ZFPM2: variants seen among roughly 807,000 people sequenced by gnomAD.
ZFPM2 encodes the protein zinc finger protein ZFPM2.
Under a neutral mutation model 98.6 loss-of-function variants are expected in ZFPM2, and 20 were observed. The ratio of observed to expected loss-of-function variants is 0.20; its 90% CI spans 0.14 to 0.29. The LOEUF is 0.29. ZFPM2 is among the 10% of genes least tolerant of loss of function. ZFPM2 has a pLI of 1.00. For synonymous variants in ZFPM2, 518 were observed against 502.7 expected (o/e 1.03, Z -0.41); for missense variants, 1,310 against 1,388.6 (o/e 0.94, Z 0.90).
At chr8:105,670,444 C>T (rs940870369) in intron 5 of ZFPM2, among the ~76,000 whole-genome samples, 1 of 134,008 alleles carries the variant, frequency 7.5e-6, no homozygotes, top group Non-Finnish European at 1.5e-5. Context: ...TGCAGTGAGC[C>T]GAGATCGTGC....
At chr8:105,514,307 CTTTTTTTTTTTTTT>C (rs56955237) in intron 3 of ZFPM2, among the ~76,000 whole-genome samples, 48,077 of 127,792 alleles carry the variant, frequency 0.38, 9,921 homozygotes, top group Non-Finnish European at 0.48. Flanking sequence ...CTGGTCGTGT[CTTTTTTTTTTTTTT>C]TTTTTTTTTT....
intron 1 of ZFPM2, among the ~76,000 whole-genome samples, chr8:105,398,565 G>A (rs566897380): frequency 6.6e-6 from 1 of 152,004 alleles, no homozygotes; most frequent in Non-Finnish European, 1.5e-5. Context: ...AGGATAAAAC[G>A]GGTCTGCCTC....
At chr8:105,715,066 C>G (rs139375901) in intron 5 of ZFPM2, among the ~76,000 whole-genome samples, 11 of 152,074 alleles carry the variant, frequency 7.2e-5, no homozygotes, top group Non-Finnish European at 1.5e-4. Context: ...TGTAACTATA[C>G]TTGTTTCTCA....
intron 6 of ZFPM2, chr8:105,798,405 G>A (rs371657172): frequency 2.6e-4 from 47 of 183,844 alleles, no homozygotes; most frequent in African/African-American, 7.8e-4. Flanking sequence ...AGTTGAGATC[G>A]CACCACTGCA....
At chr8:105,625,803 G>A (rs1586159084) in intron 4 of ZFPM2, among the ~76,000 whole-genome samples, 1 of 151,760 alleles carries the variant, frequency 6.6e-6, no homozygotes, top group South Asian at 2.1e-4. Flanking sequence ...GGCTGGTCTC[G>A]AACTCCTGAC....
At position 105,515,873 on chromosome 8, in the gene ZFPM2, C is replaced by G. The variant is rs146342093; in HGVS notation, c.302-45490C>G. On this transcript the variant is annotated intron_variant, in intron 3 of 7. Transcript: ENST00000407775. The stretch of plus-strand genomic sequence containing the variant: ...TCTGGCTTGAATTGCATGTCCACTT[C>G]TTGAACCAGTCATTGTGCAAGAAAG... 3.2e-3 allele frequency among the ~76,000 whole-genome samples: 464 copies of G among 145,702 alleles called. 8 individuals carry two copies. Among genetic ancestry groups the G allele is most frequent in the Non-Finnish European group, 9.9e-4 (66 of 66,766 alleles).
At chr8:105,638,851 C>T (rs993678197) in intron 5 of ZFPM2, among the ~76,000 whole-genome samples, 1 of 151,842 alleles carries the variant, frequency 6.6e-6, no homozygotes, top group African/African-American at 2.4e-5. Context: ...GACAGGTTGC[C>T]ATCATCTTGT....
At chr8:105,796,473 G>A (rs149739011) in intron 6 of ZFPM2, among the ~76,000 whole-genome samples, 44 of 152,254 alleles carry the variant, frequency 2.9e-4, no homozygotes, top group African/African-American at 1.1e-3. Flanking sequence ...AATTAACTTG[G>A]AAGGGAAGGG....
chr8:105,426,969 T>C (rs1811926292), intron 2 of ZFPM2, among the ~76,000 whole-genome samples: 1 of 151,898 alleles, frequency 6.6e-6, no homozygotes, highest in African/African-American at 2.4e-5. Flanking sequence ...AACAAAAAAA[T>C]AGTGTCCTAT....
At chr8:105,508,637 C>T (rs543589761) in intron 3 of ZFPM2, among the ~76,000 whole-genome samples, 23 of 152,134 alleles carry the variant, frequency 1.5e-4, no homozygotes, top group Middle Eastern at 6.8e-3. Flanking sequence ...GCCTCCTTCA[C>T]TGCCAGAGAC....
chr8:105,763,570 TG>T (rs1448499404), intron 5 of ZFPM2, among the ~76,000 whole-genome samples: 1 of 151,878 alleles, frequency 6.6e-6, no homozygotes, highest in Admixed American at 6.6e-5. Flanking sequence ...TTCAACCTTG[TG>T]CTATGTCCTT....
intron 4 of ZFPM2, among the ~76,000 whole-genome samples, chr8:105,624,068 G>C (rs1816606430): frequency 6.6e-6 from 1 of 152,110 alleles, no homozygotes; most frequent in Non-Finnish European, 1.5e-5. Context: ...TTATGAAACT[G>C]TAGTACATAT....
chr8:105,664,943 A>C (rs920494918), intron 5 of ZFPM2, among the ~76,000 whole-genome samples: 1 of 152,220 alleles, frequency 6.6e-6, no homozygotes, highest in Admixed American at 6.5e-5. Context: ...TATTAGGATA[A>C]TTAAGGGCAA....
intron 5 of ZFPM2, among the ~76,000 whole-genome samples, chr8:105,738,814 A>G (rs1750299099): frequency 6.6e-6 from 1 of 152,000 alleles, no homozygotes; most frequent in East Asian, 1.9e-4. Flanking sequence ...CTAAATTTAA[A>G]TGTAGGTGTA....
chr8:105,618,765 T>C (rs903289603), intron 4 of ZFPM2, among the ~76,000 whole-genome samples: 32 of 152,140 alleles, frequency 2.1e-4, no homozygotes, highest in African/African-American at 7.7e-4. Flanking sequence ...CCCAAGGCTA[T>C]ACAGCTATGT....
At chr8:105,575,115 G>A (rs1201206871) in intron 4 of ZFPM2, among the ~76,000 whole-genome samples, 2 of 152,122 alleles carry the variant, frequency 1.3e-5, no homozygotes, top group Non-Finnish European at 2.9e-5. Context: ...GTGCACAAGT[G>A]TCCCCCCGCC....
At chr8:105,563,758 C>T (rs1815187733) in intron 4 of ZFPM2, among the ~76,000 whole-genome samples, 1 of 152,066 alleles carries the variant, frequency 6.6e-6, no homozygotes, top group Non-Finnish European at 1.5e-5. Flanking sequence ...TCTAGCATTG[C>T]TTACTAAACA....
intron 1 of ZFPM2, among the ~76,000 whole-genome samples, chr8:105,361,596 A>G (rs895609864): frequency 6.6e-6 from 1 of 152,184 alleles, no homozygotes; most frequent in Non-Finnish European, 1.5e-5. Flanking sequence ...TGTTCTCTCT[A>G]GTAACATCAC....
At chr8:105,500,607 T>G (rs867338418) in intron 3 of ZFPM2, among the ~76,000 whole-genome samples, 17 of 152,112 alleles carry the variant, frequency 1.1e-4, no homozygotes, top group Middle Eastern at 3.2e-3. Context: ...TTTTAAGAAG[T>G]GATAATATAT....
Sources: gnomAD v4.1 joint callset for allele counts (sites outside exome capture counted in the v4.1 genomes callset) on GRCh38, gnomAD v4.1.1 for gene constraint, MANE v1.5 for transcripts, NCBI Gene and HGNC (gene_info 2026-07-23, HGNC 2026-07-21) for gene names.